NBEAL1: variants seen among roughly 807,000 people sequenced by gnomAD.
NBEAL1 encodes neurobeachin like 1.
A neutral mutation model predicts 351.3 loss-of-function variants in NBEAL1; 273 were observed. The ratio of observed to expected loss-of-function variants is 0.78; its 90% CI spans 0.70 to 0.86. NBEAL1 has a LOEUF of 0.86. NBEAL1 is among the 40% of genes least tolerant of loss of function. The probability of loss-of-function intolerance (pLI) is 0.00; values close to 1 mark genes in which losing one functional copy is unlikely to be tolerated. For synonymous variants in NBEAL1, 1,050 were observed against 1,086.4 expected (o/e 0.97, Z 0.66); for missense variants, 2,961 against 3,201.3 (o/e 0.92, Z 1.81).
chr2:203,164,558 T>A (rs1178189555), intron 36 of NBEAL1, among the ~76,000 whole-genome samples: 3 of 152,174 alleles, frequency 2.0e-5, no homozygotes, highest in Non-Finnish European at 4.4e-5. Context: ...ATTTACTTTT[T>A]TAGGGTTACT....
intron 46 of NBEAL1, among the ~76,000 whole-genome samples, chr2:203,192,019 CAGT>C (rs2065103841): frequency 6.6e-6 from 1 of 152,212 alleles, no homozygotes; most frequent in Non-Finnish European, 1.5e-5. Flanking sequence ...GCTATTACAA[CAGT>C]AGTGTATCTA....
intron 51 of NBEAL1, among the ~76,000 whole-genome samples, chr2:203,207,185 G>A (rs1203395254): frequency 1.3e-5 from 2 of 149,666 alleles, no homozygotes; most frequent in African/African-American, 2.5e-5. Context: ...CCGCCCGGCA[G>A]CCGCCCCGTC....
At chr2:203,184,701 G>A (rs1242154028) in intron 44 of NBEAL1, among the ~76,000 whole-genome samples, 1 of 151,400 alleles carries the variant, frequency 6.6e-6, no homozygotes, top group Non-Finnish European at 1.5e-5. Context: ...TTCAGAATTT[G>A]ATTATAATAT....
intron 2 of NBEAL1, among the ~76,000 whole-genome samples, chr2:203,020,438 A>G (rs1026057102): frequency 6.6e-6 from 1 of 152,130 alleles, no homozygotes; most frequent in Non-Finnish European, 1.5e-5. Flanking sequence ...TGGAAGGCTG[A>G]GGTGGATGGA....
At chr2:203,141,353 T>TATTATC (rs1165198885) in intron 31 of NBEAL1, among the ~76,000 whole-genome samples, 3 of 57,268 alleles carry the variant, frequency 5.2e-5, no homozygotes, top group African/African-American at 1.9e-4. Context: ...TTATTATTAT[T>TATTATC]ATTATTATTA....
Position 203,062,890 on chromosome 2 carries a change from A to G in NBEAL1, c.515+5437A>G, listed in dbSNP as rs1216618890. On this transcript the variant is annotated intron_variant, in intron 6 of 55. Coordinates refer to ENST00000683969, the MANE Select transcript of NBEAL1 (RefSeq NM_001378026.1). The surrounding 1 kb of genome is among the most constrained non-coding windows in gnomAD (Gnocchi z 4.2). ...ACAAAGGGATCTACAGCAATAATTTACACCTTATTTATTAATCTGATTCTG... is the reference window on the plus strand; with the variant it reads ...ACAAAGGGATCTACAGCAATAATTTGCACCTTATTTATTAATCTGATTCTG... Among the ~76,000 whole-genome samples the G allele has an allele frequency of 6.6e-6, 1 of 152,222 alleles. No individual in the cohort carries two copies. Among genetic ancestry groups the G allele is most frequent in the African/African-American group, 2.4e-5 (1 of 41,464 alleles).
Position 203,172,858 on chromosome 2 carries a change from G to A in NBEAL1, c.6323+5G>A. The A allele has an allele frequency of 6.3e-7, 1 of 1,597,094 alleles. No individual in the cohort carries two copies. Among genetic ancestry groups the A allele is most frequent in the Non-Finnish European group, 8.5e-7 (1 of 1,172,812 alleles). On this transcript the variant is annotated splice_donor_5th_base_variant and intron_variant, in intron 41 of 55. Coordinates refer to ENST00000683969, the MANE Select transcript of NBEAL1 (RefSeq NM_001378026.1). Reference sequence around the variant, plus strand: ...CGCCAAAGCTATGAGAGAAAAGTAAGTGCTTCTTATTCCTTTTATAAAATA... The same window carrying A: ...CGCCAAAGCTATGAGAGAAAAGTAAATGCTTCTTATTCCTTTTATAAAATA...
intron 44 of NBEAL1, among the ~76,000 whole-genome samples, chr2:203,186,188 C>G (rs1309694090): frequency 6.6e-6 from 1 of 152,214 alleles, no homozygotes; most frequent in African/African-American, 2.4e-5. Context: ...CTCTACAAAT[C>G]TGGCAGCAAC....
intron 3 of NBEAL1, among the ~76,000 whole-genome samples, chr2:203,048,380 CAAAA>C (rs56116456): frequency 1.3e-4 from 15 of 117,030 alleles, no homozygotes; most frequent in Non-Finnish European, 1.0e-4. Flanking sequence ...GACTCCATCT[CAAAA>C]AAAAAAAAAA....
At chr2:203,041,881 C>A (rs747903424) in intron 3 of NBEAL1, 25 bp downstream of exon 3, 7 of 1,464,102 alleles carry the variant, frequency 4.8e-6, no homozygotes, top group Admixed American at 2.1e-5. Context: ...TAATTTGTAA[C>A]CCCTGGATGA....
intron 47 of NBEAL1, among the ~76,000 whole-genome samples, chr2:203,196,131 C>T (rs2105795713): frequency 6.6e-6 from 1 of 152,288 alleles, no homozygotes; most frequent in Non-Finnish European, 1.5e-5. Context: ...GATGGACATG[C>T]AATACTATAT....
intron 23 of NBEAL1, among the ~76,000 whole-genome samples, chr2:203,127,527 G>A (rs1235881791): frequency 6.6e-6 from 1 of 152,056 alleles, no homozygotes; most frequent in Non-Finnish European, 1.5e-5. Flanking sequence ...TTTGAGACCA[G>A]CCTGGCCAAC....
At chr2:203,210,820 T>G (rs1020334207) in intron 53 of NBEAL1, 138 bp from the exon 54 acceptor site, 17 of 476,806 alleles carry the variant, frequency 3.6e-5, no homozygotes, top group African/African-American at 3.2e-4. Context: ...GTCTACACAC[T>G]TGGTCTTTAA....
At chr2:203,179,277 A>G (rs990413358) in intron 42 of NBEAL1, among the ~76,000 whole-genome samples, 2 of 152,218 alleles carry the variant, frequency 1.3e-5, no homozygotes, top group African/African-American at 2.4e-5. Context: ...TCATTCAGCT[A>G]CTATAGACGC....
intron 20 of NBEAL1, 39 bp from the exon 21 acceptor site, chr2:203,125,921 A>G (rs2106282659): frequency 1.4e-6 from 2 of 1,458,038 alleles, no homozygotes; most frequent in Non-Finnish European, 1.8e-6. Flanking sequence ...AAAAGTGATT[A>G]GAGAAATTAT....
At chr2:203,138,792 A>G (rs1180833707) in intron 31 of NBEAL1, 44 bp downstream of exon 31, 1 of 1,552,446 alleles carries the variant, frequency 6.4e-7, no homozygotes, top group Non-Finnish European at 8.7e-7. Flanking sequence ...TGCATGCAGC[A>G]TAGGTATTAT....
At chr2:203,049,365 A>G (rs532720672) in intron 3 of NBEAL1, among the ~76,000 whole-genome samples, 1 of 152,286 alleles carries the variant, frequency 6.6e-6, no homozygotes, top group African/African-American at 2.4e-5. Context: ...CCAACAGTTG[A>G]CATATTAAAC....
At chr2:203,155,960 T>C (rs896034537) in intron 35 of NBEAL1, among the ~76,000 whole-genome samples, 13 of 152,218 alleles carry the variant, frequency 8.5e-5, no homozygotes, top group Admixed American at 6.5e-4. Context: ...TCTGTATTTC[T>C]AGTTCCAACC....
At chr2:203,187,367 G>GTTTTTTT (rs71034225) in intron 44 of NBEAL1, among the ~76,000 whole-genome samples, 4 of 87,788 alleles carry the variant, frequency 4.6e-5, no homozygotes, top group Admixed American at 1.4e-4. Flanking sequence ...TCTTGCAATG[G>GTTTTTTT]TTTTTTTTTT....
Sources: allele counts gnomAD v4.1 joint callset (sites outside exome capture counted in the v4.1 genomes callset), GRCh38; gene constraint gnomAD v4.1.1; non-coding constraint Gnocchi (gnomAD v3.1); transcripts MANE v1.5; gene names NCBI Gene and HGNC (gene_info 2026-07-23, HGNC 2026-07-21).